Variants in PPIP5K1 observed in about 807,000 individuals in gnomAD.
The protein encoded by PPIP5K1 is inositol hexakisphosphate and diphosphoinositol-pentakisphosphate kinase 1.
PPIP5K1 carries 6 observed loss-of-function variants against 27.7 expected under a neutral mutation model. The ratio of observed to expected loss-of-function variants is 0.22; its 90% CI spans 0.12 to 0.43. The LOEUF (loss-of-function observed/expected upper bound fraction) is 0.43. Among genes scored for constraint, PPIP5K1 ranks in the 20% least tolerant of loss-of-function variants. The probability of loss-of-function intolerance (pLI) is 1.00; values close to 1 mark genes in which losing one functional copy is unlikely to be tolerated. For synonymous variants in PPIP5K1, 145 were observed against 242.6 expected (o/e 0.60, Z 3.74); for missense variants, 394 against 635.4 (o/e 0.62, Z 4.08).
At chr15:43,583,242 AC>A (rs955918552) in intron 4 of PPIP5K1, among the ~76,000 whole-genome samples, 161 bp downstream of exon 4, 1 of 117,058 alleles carries the variant, frequency 8.5e-6, no homozygotes, top group Middle Eastern at 3.4e-3. Context: ...ACCCCCGGCA[AC>A]TCCTCCAAGA....
chr15:43,551,622 A>ATTTTTTTTTTTTTTT (rs2082210408), intron 30 of PPIP5K1, among the ~76,000 whole-genome samples: 1 of 48,512 alleles, frequency 2.1e-5, no homozygotes, highest in Non-Finnish European at 3.1e-5. Flanking sequence ...TTTTTTTTTG[A>ATTTTTTTTTTTTTTT]GACGGAGTCT....
chr15:43,536,022 A>G (rs985089982), intron 31 of PPIP5K1: 3 of 1,123,818 alleles, frequency 2.7e-6, no homozygotes, highest in African/African-American at 3.3e-5. Context: ...CTTTAAAGCA[A>G]TCAATGTATT....
chr15:43,536,005 A>C, intron 31 of PPIP5K1: 1 of 1,036,946 alleles, frequency 9.6e-7, no homozygotes, highest in Non-Finnish European at 1.3e-6. Flanking sequence ...TTCTGTTAAG[A>C]ATCATTCTTT....
intron 31 of PPIP5K1, among the ~76,000 whole-genome samples, chr15:43,535,812 T>C (rs2079772748): frequency 6.6e-6 from 1 of 152,242 alleles, no homozygotes; most frequent in African/African-American, 2.4e-5. Flanking sequence ...AGCATATGAA[T>C]ACTTTAGCCC....
intron 29 of PPIP5K1, among the ~76,000 whole-genome samples, chr15:43,559,247 T>C (rs898483908): frequency 2.6e-5 from 4 of 152,158 alleles, no homozygotes; most frequent in Admixed American, 6.5e-5. Flanking sequence ...ACCAACGTTG[T>C]TCTCACACTT....
chr15:43,539,640 T>G, intron 30 of PPIP5K1, 57 bp from the exon 31 acceptor site: 947 of 951,988 alleles, frequency 9.9e-4, no homozygotes, highest in Non-Finnish European at 1.4e-3. Flanking sequence ...TGAGGAAGAA[T>G]CCAGGAGCCA....
chr15:43,555,964 A>G (rs902818739), intron 30 of PPIP5K1, among the ~76,000 whole-genome samples: 2 of 152,202 alleles, frequency 1.3e-5, no homozygotes, highest in African/African-American at 4.8e-5. Context: ...AGAACAGCAA[A>G]TTAGAAAATA....
chr15:43,552,326 C>A (rs1188650696), intron 30 of PPIP5K1, among the ~76,000 whole-genome samples: 1 of 151,954 alleles, frequency 6.6e-6, no homozygotes, highest in Non-Finnish European at 1.5e-5. Flanking sequence ...GCATCCCATA[C>A]CATCTGGCAT....
intron 31 of PPIP5K1, among the ~76,000 whole-genome samples, chr15:43,536,810 C>T (rs2255663): frequency 0.45 from 68,023 of 152,044 alleles, 19,452 homozygotes; most frequent in African/African-American, 0.82. Context: ...ACTGCTTCAT[C>T]GCCCTCTAGT....
At chr15:43,537,186 A>C (rs889841172) in intron 31 of PPIP5K1, among the ~76,000 whole-genome samples, 3 of 151,306 alleles carry the variant, frequency 2.0e-5, no homozygotes, top group African/African-American at 7.3e-5. Context: ...AATACAAAAA[A>C]AAATTAGCCA....
rs1191773653 is a variant in PPIP5K1 at position 43,533,886 on chromosome 15, TG to T, written c.*787del. 6.6e-6 allele frequency: 1 copy of T among 152,180 alleles called. No homozygotes were observed. Among genetic ancestry groups the T allele is most frequent in the African/African-American group, 2.4e-5 (1 of 41,432 alleles). The allele number at this position is 152,180 out of a possible 1,614,324, so 9.4% of individuals were successfully genotyped here. ...TCTAGAGCATTTTAAGTAGTTGCTC[TG>T]AATTTTGCACAGCAGTCTAATACCT... is the stretch of plus-strand genomic sequence containing the variant. On this transcript the variant is annotated 3_prime_UTR_variant, in exon 32 of 32. Transcript: ENST00000420765.
At chr15:43,544,928 C>T (rs1173739516) in intron 30 of PPIP5K1, among the ~76,000 whole-genome samples, 1 of 152,176 alleles carries the variant, frequency 6.6e-6, no homozygotes, top group Non-Finnish European at 1.5e-5. Context: ...CCTGTAATTA[C>T]AGCACTTTGG....
chr15:43,547,098 T>G (rs944110687), intron 30 of PPIP5K1, among the ~76,000 whole-genome samples: 1 of 152,172 alleles, frequency 6.6e-6, no homozygotes, highest in African/African-American at 2.4e-5. Context: ...GGCTATCCGG[T>G]GGGTATGAAG....
chr15:43,548,248 G>T (rs190185602), intron 30 of PPIP5K1, among the ~76,000 whole-genome samples: 1 of 151,752 alleles, frequency 6.6e-6, no homozygotes, highest in East Asian at 1.9e-4. Context: ...ACAGGCACCC[G>T]CCACTGTGCC....
At position 43,561,096 on chromosome 15, in the gene PPIP5K1, C is replaced by A. The variant is rs4924715; in HGVS notation, c.3236-501G>T. Among the ~76,000 whole-genome samples the A allele has an allele frequency of 1.5e-4, 16 of 105,126 alleles. No homozygotes were observed. In the East Asian group the frequency reaches 3.0e-3, roughly 20 times the overall value. 69.0% of individuals were successfully genotyped at this position (105,126 alleles called of 152,430 possible). Reference sequence around the variant, plus strand: ...TAAAAAGGCTCTCTTTTAGGGCAGGCCTTCTGGACCACACTCTAAGATAGC... The same window carrying A: ...TAAAAAGGCTCTCTTTTAGGGCAGGACTTCTGGACCACACTCTAAGATAGC... On this transcript the variant is annotated intron_variant, in intron 28 of 31. Transcript: ENST00000420765.
chr15:43,552,586 G>A (rs1343621729), intron 30 of PPIP5K1, among the ~76,000 whole-genome samples: 1 of 150,840 alleles, frequency 6.6e-6, no homozygotes, highest in East Asian at 1.9e-4. Context: ...TGGGTGTGGT[G>A]GTGTGTGCCT....
At chr15:43,538,656 C>T (rs1267487638) in intron 31 of PPIP5K1, among the ~76,000 whole-genome samples, 4 of 152,138 alleles carry the variant, frequency 2.6e-5, no homozygotes, top group Non-Finnish European at 5.9e-5. Flanking sequence ...GGACTACAGG[C>T]ACCCACCACC....
intron 30 of PPIP5K1, among the ~76,000 whole-genome samples, chr15:43,545,126 C>T (rs1025668011): frequency 6.6e-6 from 1 of 150,924 alleles, no homozygotes; most frequent in Admixed American, 6.6e-5. Context: ...TGCAGTGAGC[C>T]GAGATGGCAC....
intron 30 of PPIP5K1, among the ~76,000 whole-genome samples, chr15:43,541,380 T>C (rs1307558027): frequency 1.3e-5 from 2 of 152,128 alleles, no homozygotes; most frequent in East Asian, 3.9e-4. Context: ...TCCAAAGTGT[T>C]AGGATTACAG....
Sources: gnomAD v4.1 joint callset for allele counts (sites outside exome capture counted in the v4.1 genomes callset) on GRCh38, gnomAD v4.1.1 for gene constraint, MANE v1.5 for transcripts, NCBI Gene and HGNC (gene_info 2026-07-23, HGNC 2026-07-21) for gene names.